LRRFIP1: variants seen among roughly 807,000 people sequenced by gnomAD.
The protein encoded by LRRFIP1 is leucine-rich repeat flightless-interacting protein 1.
In LRRFIP1, 62 loss-of-function variants were observed where a neutral mutation model predicts 104.4. The ratio of observed to expected loss-of-function variants is 0.59; its 90% CI spans 0.48 to 0.73. The LOEUF (loss-of-function observed/expected upper bound fraction) is 0.73, where lower values mean the gene tolerates loss of function less well. Among genes scored for constraint, LRRFIP1 ranks in the 30% least tolerant of loss-of-function variants. The pLI is 0.00. For synonymous variants in LRRFIP1, 300 were observed against 299.0 expected (o/e 1.00, Z -0.03); for missense variants, 796 against 824.5 (o/e 0.97, Z 0.42).
chr2:237,735,295 G>A lies in LRRFIP1; in HGVS notation c.517G>A (p.Gly173Ser), dbSNP rs773029801. 1.4e-5 allele frequency: 23 copies of A among 1,613,370 alleles called. No individual in the cohort carries two copies. The highest frequency in any genetic ancestry group is 8.9e-5 in the East Asian group (4 of 44,884). The stretch of plus-strand genomic sequence containing the variant: ...GTCTGTGTTGGATGAAGGCAGCTTC[G>A]GTGGGACCCGACGGGGCAGCACCTC... ...RASVLDEGSFGGTRRGSTSGS... is the reference protein window; with the variant it reads ...RASVLDEGSFSGTRRGSTSGS... Residue 173 changes from glycine to serine, a missense_variant, in exon 10 of 24, where the codon GGT (glycine) becomes AGT (serine). By Grantham distance (56) the Gly-to-Ser change is moderately conservative. Coordinates refer to ENST00000308482, the MANE Select transcript of LRRFIP1 (RefSeq NM_001137550.2). This position sits in a 1 kb window ranked among gnomAD's most constrained non-coding sequence, Gnocchi z 4.6.
rs751769893 is a variant in LRRFIP1 at position 237,723,602 on chromosome 2, A to G, written c.384+16A>G. On this transcript the variant is annotated intron_variant, in intron 7 of 23. Coordinates refer to ENST00000308482, the MANE Select transcript of LRRFIP1 (RefSeq NM_001137550.2). ...TTACGCCTGGGTGAGATGGTCGGATATACTTTGCTGTGTGACCTTAACTGT... is the reference window on the plus strand; with the variant it reads ...TTACGCCTGGGTGAGATGGTCGGATGTACTTTGCTGTGTGACCTTAACTGT... The G allele has an allele frequency of 1.2e-6, 2 of 1,613,692 alleles. No homozygotes were observed. Among genetic ancestry groups the G allele is most frequent in the Admixed American group, 1.7e-5 (1 of 59,982 alleles).
intron 11 of LRRFIP1, among the ~76,000 whole-genome samples, chr2:237,744,409 C>A (rs952370813): frequency 6.7e-6 from 1 of 149,930 alleles, no homozygotes. Context: ...TCTCTGGGTA[C>A]GTGAACAGGT....
At position 237,766,112 on chromosome 2, in the gene LRRFIP1, C is replaced by G. The variant is rs2060236628; in HGVS notation, c.1460-3831C>G. Among the ~76,000 whole-genome samples, 1 of 152,166 alleles carries G rather than the reference C, an allele frequency of 6.6e-6. No homozygotes were observed. Among genetic ancestry groups the G allele is most frequent in the African/African-American group, 2.4e-5 (1 of 41,436 alleles). ...GAGCCTGGGGCTAGCATGGGCATTACTGGGAGAACTGAGACGATTGTCACG... is the reference window on the plus strand; with the variant it reads ...GAGCCTGGGGCTAGCATGGGCATTAGTGGGAGAACTGAGACGATTGTCACG... On this transcript the variant is annotated intron_variant, in intron 19 of 23. Transcript: ENST00000308482. This position sits in a 1 kb window ranked among gnomAD's most constrained non-coding sequence, Gnocchi z 4.8.
At chr2:237,642,847 T>C (rs1041717452) in intron 1 of LRRFIP1, among the ~76,000 whole-genome samples, 20 of 152,284 alleles carry the variant, frequency 1.3e-4, no homozygotes, top group Admixed American at 3.9e-4. Context: ...TTCTGAACTC[T>C]AGGTTTTCGA....
In LRRFIP1 at chr2:237,643,814, A is replaced by T. The variant is rs138445521; in HGVS notation, c.96+16074A>T. On this transcript the variant is annotated intron_variant, in intron 1 of 23. Transcript: ENST00000308482. The stretch of plus-strand genomic sequence containing the variant: ...CATTTGGAAATTCTGATTGTTTTCA[A>T]ACTAGAACAAGATTTGAAAAGGCTT... Among the ~76,000 whole-genome samples the T allele has an allele frequency of 1.1e-4, 17 of 152,370 alleles. No individual in the cohort carries two copies. In the South Asian group the frequency reaches 3.5e-3, roughly 32 times the overall value.
At chr2:237,778,036 C>T (rs1484841014) in intron 23 of LRRFIP1, among the ~76,000 whole-genome samples, 3 of 152,124 alleles carry the variant, frequency 2.0e-5, no homozygotes, top group Non-Finnish European at 2.9e-5. Flanking sequence ...TTAAATATTT[C>T]ATACACAGCT....
chr2:237,708,710 G>A (rs2093934483), intron 2 of LRRFIP1, 80 bp downstream of exon 2: 10 of 1,420,408 alleles, frequency 7.0e-6, no homozygotes, highest in Non-Finnish European at 8.8e-6. Context: ...GGCACCTGTT[G>A]CTGCAGACGC....
At chr2:237,748,566 A>G (rs2058179866) in intron 12 of LRRFIP1, among the ~76,000 whole-genome samples, 167 bp downstream of exon 12, 1 of 152,032 alleles carries the variant, frequency 6.6e-6, no homozygotes, top group Non-Finnish European at 1.5e-5. Flanking sequence ...GGCCACCGGG[A>G]GTCCTGTCCG....
chr2:237,687,005 C>T (rs945306978), intron 1 of LRRFIP1, among the ~76,000 whole-genome samples: 3 of 152,338 alleles, frequency 2.0e-5, no homozygotes, highest in East Asian at 1.9e-4. Flanking sequence ...TAAGGGCATT[C>T]GTTGAGTCCA....
chr2:237,751,249 T>C lies in LRRFIP1; in HGVS notation c.845T>C (p.Met282Thr), dbSNP rs1559784800. ...DQIQDVEGKY[M>T]QGLKEMKDSL... ...ATTCAGGATGTAGAAGGCAAATACA[T>C]GCAGGGATTGAAAGAGATGAAGGTA... The change falls in exon 14 of 24, where the codon ATG (methionine) becomes ACG (threonine). Residue 282 changes from methionine to threonine, a missense_variant. Coordinates refer to ENST00000308482, the MANE Select transcript of LRRFIP1 (RefSeq NM_001137550.2). 3 of 1,610,204 alleles carry C rather than the reference T, an allele frequency of 1.9e-6. No homozygotes were observed. The South Asian group carries it at 3.3e-5, about 18-fold the overall frequency.
chr2:237,635,665 A>T (rs542403817), intron 1 of LRRFIP1, among the ~76,000 whole-genome samples: 23 of 152,080 alleles, frequency 1.5e-4, no homozygotes, highest in Non-Finnish European at 2.9e-4. Flanking sequence ...TTAAAAATAT[A>T]TTTTTTTTAT....
At position 237,759,991 on chromosome 2, in the gene LRRFIP1, A is replaced by T. The variant is rs1038692123; in HGVS notation, c.1318-73A>T. On this transcript the variant is annotated intron_variant, in intron 18 of 23. Transcript: ENST00000308482. ...TCAGGAAAAAATGGTTTTCTTTTTTATTATTGTATTAAAACAGAGTTTAAC... is the reference window on the plus strand; with the variant it reads ...TCAGGAAAAAATGGTTTTCTTTTTTTTTATTGTATTAAAACAGAGTTTAAC... The T allele has an allele frequency of 9.8e-6, 14 of 1,423,358 alleles. No individual in the cohort carries two copies. In the Admixed American group the frequency reaches 1.3e-4, roughly 14 times the overall value. 88.2% of individuals were successfully genotyped at this position (1,423,358 alleles called of 1,614,324 possible).
intron 8 of LRRFIP1, among the ~76,000 whole-genome samples, chr2:237,730,772 G>T (rs987010306): frequency 4.6e-5 from 7 of 152,166 alleles, no homozygotes; most frequent in Non-Finnish European, 1.0e-4. Flanking sequence ...TAAAAAATTA[G>T]CTAGGTGCGG....
chr2:237,772,955 A>G lies in LRRFIP1; in HGVS notation c.1707+10A>G. Reference sequence around the variant, plus strand: ...TGCATTAGAACAAAATGTACGTGTAAGCAACAACGGGCAGAACTGATGATT... The same window carrying G: ...TGCATTAGAACAAAATGTACGTGTAGGCAACAACGGGCAGAACTGATGATT... On this transcript the variant is annotated intron_variant, in intron 22 of 23. Transcript: ENST00000308482. 6.2e-7 allele frequency: 1 copy of G among 1,604,678 alleles called. No individual in the cohort carries two copies. The highest frequency in any genetic ancestry group is 8.5e-7 in the Non-Finnish European group (1 of 1,171,444).
chr2:237,643,540 C>G (rs13036096), intron 1 of LRRFIP1, among the ~76,000 whole-genome samples: 60,887 of 152,170 alleles, frequency 0.4, 12,740 homozygotes, highest in African/African-American at 0.49. Context: ...ATAACCGTTA[C>G]CATTGCTGTG....
At chr2:237,682,420 A>C (rs2091940498) in intron 1 of LRRFIP1, among the ~76,000 whole-genome samples, 1 of 152,214 alleles carries the variant, frequency 6.6e-6, no homozygotes, top group South Asian at 2.1e-4. Flanking sequence ...AGTGAATGGC[A>C]GAACAGGAGC....
rs768178138 is a variant in LRRFIP1 at position 237,711,228 on chromosome 2, G to C, written c.183+2598G>C. Among the ~76,000 whole-genome samples the C allele has an allele frequency of 6.6e-6, 1 of 152,192 alleles. No individual in the cohort carries two copies. The highest frequency in any genetic ancestry group is 1.5e-5 in the Non-Finnish European group (1 of 68,046). ...CTTGCGGAGAACATCTGATGAAATC[G>C]GGAAGTCTCACGTAAAACGCCATGG... is the stretch of plus-strand genomic sequence containing the variant. On this transcript the variant is annotated intron_variant, in intron 2 of 23. Coordinates refer to ENST00000308482, the MANE Select transcript of LRRFIP1 (RefSeq NM_001137550.2). This position sits in a 1 kb window ranked among gnomAD's most constrained non-coding sequence, Gnocchi z 4.4.
intron 11 of LRRFIP1, among the ~76,000 whole-genome samples, chr2:237,744,921 A>T (rs1260295152): frequency 6.6e-6 from 1 of 152,164 alleles, no homozygotes; most frequent in African/African-American, 2.4e-5. Flanking sequence ...TGCAGCCACC[A>T]TGTCCTCTGG....
At chr2:237,755,070 C>T (rs540156319) in intron 15 of LRRFIP1, among the ~76,000 whole-genome samples, 8 of 152,216 alleles carry the variant, frequency 5.3e-5, no homozygotes, top group African/African-American at 1.2e-4. Context: ...TCAGATCACC[C>T]GCCTGACAGG....
Sources: allele counts gnomAD v4.1 joint callset (sites outside exome capture counted in the v4.1 genomes callset), GRCh38; gene constraint gnomAD v4.1.1; non-coding constraint Gnocchi (gnomAD v3.1); transcripts MANE v1.5; gene names NCBI Gene and HGNC (gene_info 2026-07-23, HGNC 2026-07-21).